Variants in BPIFB2 observed in about 807,000 individuals in gnomAD.
The protein encoded by BPIFB2 is BPI fold containing family B member 2, also known as BPI fold-containing family B member 2.
BPIFB2 carries 39 observed loss-of-function variants against 50.1 expected under a neutral mutation model. That is an observed-to-expected ratio of 0.78 (90% CI 0.60 to 1.02). BPIFB2 has a LOEUF of 1.02. Among genes scored for constraint, BPIFB2 ranks in the 50% least tolerant of loss-of-function variants. BPIFB2 has a pLI of 0.00. For missense variants in BPIFB2, 574 were observed against 585.8 expected (o/e 0.98, Z 0.21); for synonymous variants, 280 against 256.3 (o/e 1.09, Z -0.88).
chr20:33,011,049 C>T lies in BPIFB2; in HGVS notation c.135C>T (p.Leu45=), dbSNP rs980143890. 6.2e-7 allele frequency: 1 copy of T among 1,613,960 alleles called. No individual in the cohort carries two copies. Among genetic ancestry groups the T allele is most frequent in the African/African-American group, 1.3e-5 (1 of 74,922 alleles). The change falls in exon 3 of 16, where the codon CTC becomes CTT. Residue 45 remains leucine, a synonymous_variant. Transcript: ENST00000170150. The part of the protein sequence containing the change: ...SYVSEIGKAP[L]QRALQVTVPH... ...TGTCTGAAATTGGGAAAGCCCCTCT[C>T]CAGCGGGCCCTGCAGGTCACTGTCC...
chr20:33,021,141 G>T (rs1255626885), intron 13 of BPIFB2, 140 bp from the exon 14 acceptor site: 3 of 927,738 alleles, frequency 3.2e-6, no homozygotes, highest in Non-Finnish European at 5.0e-6. Context: ...TGGGTGATCT[G>T]CCTTCCTCCC....
At chr20:33,023,306 C>T in intron 15 of BPIFB2, 36 bp from the exon 16 acceptor site, 1 of 1,607,516 alleles carries the variant, frequency 6.2e-7, no homozygotes. Context: ...GCCTGTGCCT[C>T]CTCTGACCTG....
In BPIFB2 at chr20:33,018,369, G is replaced by T. The variant is rs377172838; in HGVS notation, c.669+19G>T. 1.1e-4 allele frequency: 183 copies of T among 1,591,746 alleles called. No individual in the cohort carries two copies. The Middle Eastern group carries it at 1.3e-3, about 11-fold the overall frequency. On this transcript the variant is annotated intron_variant, in intron 8 of 15. Coordinates refer to ENST00000170150, the MANE Select transcript of BPIFB2 (RefSeq NM_025227.3). The stretch of plus-strand genomic sequence containing the variant: ...AGTCAATGTAAGTGCCTCCTGGCCA[G>T]CCCAGAGCTGGGGGCTTGCTGCCTC...
At chr20:33,018,405 G>C (rs976975257) in intron 8 of BPIFB2, 55 bp downstream of exon 8, 3 of 1,487,312 alleles carry the variant, frequency 2.0e-6, no homozygotes, top group African/African-American at 1.4e-5. Flanking sequence ...TGGAGTCCTT[G>C]GTGTTCCAGA....
chr20:33,023,032 G>T (rs118158356), intron 15 of BPIFB2, among the ~76,000 whole-genome samples: 4,409 of 152,302 alleles, frequency 0.029, 94 homozygotes, highest in Non-Finnish European at 0.046. Context: ...GCTGGAGAGA[G>T]TTGGACTTGG....
intron 4 of BPIFB2, 38 bp downstream of exon 4, chr20:33,012,945 T>G: frequency 1.3e-6 from 2 of 1,548,652 alleles, no homozygotes; most frequent in Non-Finnish European, 8.9e-7. Flanking sequence ...AGAAGGGTTT[T>G]GGGGATGCTC....
chr20:33,019,449 G>A (rs1486020306), intron 10 of BPIFB2, 131 bp from the exon 11 acceptor site: 1 of 1,103,636 alleles, frequency 9.1e-7, no homozygotes, highest in Non-Finnish European at 1.3e-6. Context: ...GGCTTACACA[G>A]AGGGGGGACC....
chr20:33,020,105 C>A (rs756301092), intron 11 of BPIFB2, among the ~76,000 whole-genome samples: 1 of 152,242 alleles, frequency 6.6e-6, no homozygotes, highest in Non-Finnish European at 1.5e-5. Context: ...ACTGTGGTTA[C>A]GGTCCCCCTC....
rs113533562 is a variant in BPIFB2, at chr20:33,016,764, C to T, written c.517-278C>T. 2.5e-3 allele frequency among the ~76,000 whole-genome samples: 385 copies of T among 152,362 alleles called. 2 individuals carry two copies. Among genetic ancestry groups the T allele is most frequent in the African/African-American group, 8.2e-3 (342 of 41,592 alleles). ...TGCCTCCGTTGCTCAGGCCCAGCTA[C>T]GACCACCTGGGCTGGGCTCCACGGC... On this transcript the variant is annotated intron_variant, in intron 6 of 15. Coordinates refer to ENST00000170150, the MANE Select transcript of BPIFB2 (RefSeq NM_025227.3).
rs763950146 is a variant in BPIFB2 at position 33,018,212 on chromosome 20, C to A, written c.578-47C>A. ...TCTGGATAGATGAAACGTTGGTGAG[C>A]AGTGCTAAATATGCCATCTTTTCTT... On this transcript the variant is annotated intron_variant, in intron 7 of 15. Coordinates refer to ENST00000170150, the MANE Select transcript of BPIFB2 (RefSeq NM_025227.3). 1.0e-5 allele frequency: 14 copies of A among 1,357,332 alleles called. No individual in the cohort carries two copies. The African/African-American group carries it at 1.5e-4, about 14-fold the overall frequency. The allele number at this position is 1,357,332 out of a possible 1,614,324, so 84.1% of individuals were successfully genotyped here.
At position 33,021,790 on chromosome 20, in the gene BPIFB2, T is replaced by A. The variant is rs756186804; in HGVS notation, c.1326T>A (p.Phe442Leu). The A allele has an allele frequency of 6.2e-7, 1 of 1,613,860 alleles. No individual in the cohort carries two copies. The highest frequency in any genetic ancestry group is 8.5e-7 in the Non-Finnish European group (1 of 1,179,746). The part of the protein sequence containing the change: ...VNLHYVAPEI[F>L]VYEGYVVISS... The stretch of plus-strand genomic sequence containing the variant: ...TCCACTATGTCGCCCCTGAGATCTT[T>A]GTCTATGAGGTGAGAGCCTTTGGGT... The change falls in exon 15 of 16, where the codon TTT becomes TTA. Residue 442 changes from phenylalanine to leucine, a missense_variant. Phe to Leu is a conservative substitution (Grantham distance 22). Coordinates refer to ENST00000170150, the MANE Select transcript of BPIFB2 (RefSeq NM_025227.3).
In BPIFB2 at chr20:33,009,392, T is replaced by C. The variant is rs1363729025; in HGVS notation, c.109+709T>C. Among the ~76,000 whole-genome samples the C allele has an allele frequency of 6.6e-6, 1 of 152,176 alleles. No homozygotes were observed. Among genetic ancestry groups the C allele is most frequent in the Non-Finnish European group, 1.5e-5 (1 of 68,036 alleles). On this transcript the variant is annotated intron_variant, in intron 2 of 15. Transcript: ENST00000170150. The surrounding 1 kb of genome is among the most constrained non-coding windows in gnomAD (Gnocchi z 4.2). ...CAGGACGCCAGCACAAACATGTTTA[T>C]TCACCTCGAGTTGCCTCCCGGTGAG...
Position 33,013,970 on chromosome 20 carries a change from G to C in BPIFB2, c.455+14G>C. The C allele has an allele frequency of 6.2e-7, 1 of 1,611,264 alleles. No homozygotes were observed. Among genetic ancestry groups the C allele is most frequent in the Non-Finnish European group, 8.5e-7 (1 of 1,177,996 alleles). Reference sequence around the variant, plus strand: ...TGGCAGTAACAGGTGGGTGCCTGGTGAGGGCAGGGTCACAGGAATCCCAGA... The same window carrying C: ...TGGCAGTAACAGGTGGGTGCCTGGTCAGGGCAGGGTCACAGGAATCCCAGA... On this transcript the variant is annotated intron_variant, in intron 5 of 15. Transcript: ENST00000170150.
intron 3 of BPIFB2, 79 bp downstream of exon 3, chr20:33,011,196 C>A: frequency 7.2e-7 from 1 of 1,387,036 alleles, no homozygotes; most frequent in Non-Finnish European, 1.0e-6. Context: ...GTGCTTCAGT[C>A]CACCGGGCAT....
Position 33,021,271 on chromosome 20 carries a change from G to T in BPIFB2, c.1195-10G>T, listed in dbSNP as rs369856010. On this transcript the variant is annotated splice_polypyrimidine_tract_variant and intron_variant, in intron 13 of 15. Coordinates refer to ENST00000170150, the MANE Select transcript of BPIFB2 (RefSeq NM_025227.3). ...GGGACGGGCCCATCTCCCTGGCTCC[G>T]TGGCCACAGACAGATCAGGTGCGCA... is the stretch of plus-strand genomic sequence containing the variant. 1 of 1,613,814 alleles carries T rather than the reference G, an allele frequency of 6.2e-7. No homozygotes were observed. Among genetic ancestry groups the T allele is most frequent in the South Asian group, 1.1e-5 (1 of 90,974 alleles).
chr20:33,018,187 T>C (rs1252737891), intron 7 of BPIFB2, 72 bp from the exon 8 acceptor site: 4 of 1,190,212 alleles, frequency 3.4e-6, no homozygotes, highest in Non-Finnish European at 3.6e-6. Context: ...AATAAACTTT[T>C]CTGGATAGAT....
chr20:33,013,749 A>G (rs2146350850), intron 4 of BPIFB2, 61 bp from the exon 5 acceptor site: 1 of 1,562,826 alleles, frequency 6.4e-7, no homozygotes, highest in Non-Finnish European at 8.7e-7. Context: ...AAGATCTATC[A>G]TCAGTCATGG....
chr20:33,015,401 G>A, intron 5 of BPIFB2, 35 bp from the exon 6 acceptor site: 1 of 1,585,976 alleles, frequency 6.3e-7, no homozygotes, highest in Admixed American at 1.7e-5. Context: ...AATATGTTTG[G>A]GAGCCCAGGA....
intron 5 of BPIFB2, among the ~76,000 whole-genome samples, chr20:33,014,214 A>G (rs1990326537): frequency 6.6e-6 from 1 of 152,208 alleles, no homozygotes; most frequent in Admixed American, 6.5e-5. Context: ...ACTAGCTATT[A>G]GCACACTCTT....
Sources: gnomAD v4.1 joint callset for allele counts (sites outside exome capture counted in the v4.1 genomes callset) on GRCh38, gnomAD v4.1.1 for gene constraint, Gnocchi (gnomAD v3.1) non-coding constraint, MANE v1.5 for transcripts, NCBI Gene and HGNC (gene_info 2026-07-23, HGNC 2026-07-21) for gene names.